MRO: variants seen among roughly 807,000 people sequenced by gnomAD.
MRO encodes the protein maestro.
MRO carries 28 observed loss-of-function variants against 31.0 expected under a neutral mutation model. The ratio of observed to expected loss-of-function variants is 0.90; its 90% CI spans 0.67 to 1.24. MRO has a LOEUF of 1.24. Among genes scored for constraint, MRO ranks in the 50% most tolerant of loss-of-function variants. MRO has a pLI of 0.00. For missense variants in MRO, 332 were observed against 289.2 expected (o/e 1.15, Z -1.07); for synonymous variants, 108 against 108.4 (o/e 1.00, Z 0.02).
intron 4 of MRO, 112 bp downstream of exon 4, chr18:50,806,592 G>A (rs1342059713): frequency 1.4e-5 from 18 of 1,307,712 alleles, no homozygotes; most frequent in East Asian, 7.0e-5. Context: ...GGTTTGTTCC[G>A]GGGTGATAGA....
intron 5 of MRO, among the ~76,000 whole-genome samples, chr18:50,803,573 AT>A (rs1239820573): frequency 6.6e-6 from 1 of 151,930 alleles, no homozygotes; most frequent in Non-Finnish European, 1.5e-5. Context: ...CCTCCAAGAG[AT>A]TTAGAGCCAT....
At chr18:50,819,811 TTA>T in intron 1 of MRO, 84 bp downstream of exon 1, 1 of 1,540,156 alleles carries the variant, frequency 6.5e-7, no homozygotes, top group South Asian at 1.2e-5. Flanking sequence ...AAGTCAAAGT[TTA>T]TAGAGTATTT....
intron 2 of MRO, among the ~76,000 whole-genome samples, chr18:50,817,383 C>T (rs1915013319): frequency 6.6e-6 from 1 of 152,070 alleles, no homozygotes; most frequent in Admixed American, 6.6e-5. Context: ...ACCTGTAATC[C>T]CAGCACTTTG....
rs754052527 is a variant in MRO at position 50,801,518 on chromosome 18, C to G, written c.430-14G>C. 15 of 1,571,922 alleles carry G rather than the reference C, an allele frequency of 9.5e-6. No homozygotes were observed. Among genetic ancestry groups the G allele is most frequent in the Non-Finnish European group, 1.3e-5 (15 of 1,159,856 alleles). ...ACTGTCGTTCTCCTGCGGTCCCCAT[C>G]AACAAAACAATAAGAAAGCCAGATC... On this transcript the variant is annotated splice_polypyrimidine_tract_variant and intron_variant, in intron 5 of 7. Transcript: ENST00000398439.
Position 50,798,688 on chromosome 18 carries a change from T to A in MRO, c.*649A>T, listed in dbSNP as rs1444314438. The stretch of plus-strand genomic sequence containing the variant: ...CACTCGGTGTTACCTACTATTGTTA[T>A]CCCGTAAGTTATCATGAGCCTGAGG... On this transcript the variant is annotated 3_prime_UTR_variant, in exon 8 of 8. Coordinates refer to ENST00000398439, the MANE Select transcript of MRO (RefSeq NM_031939.6). 6.6e-6 allele frequency: 1 copy of A among 152,258 alleles called. No homozygotes were observed. Among genetic ancestry groups the A allele is most frequent in the African/African-American group, 2.4e-5 (1 of 41,456 alleles). 9.4% of individuals were successfully genotyped at this position (152,258 alleles called of 1,614,324 possible).
chr18:50,817,822 A>C (rs1915054529), intron 2 of MRO, among the ~76,000 whole-genome samples: 1 of 152,162 alleles, frequency 6.6e-6, no homozygotes, highest in African/African-American at 2.4e-5. Context: ...TTAAAAATAA[A>C]ATTAAAATCA....
At chr18:50,801,227 A>C in intron 6 of MRO, 122 bp downstream of exon 6, 1 of 809,240 alleles carries the variant, frequency 1.2e-6, no homozygotes, top group Non-Finnish European at 1.9e-6. Context: ...TGCACACAGA[A>C]ACGCTGCTAA....
At chr18:50,810,467 T>C (rs1914382730) in intron 2 of MRO, among the ~76,000 whole-genome samples, 1 of 152,192 alleles carries the variant, frequency 6.6e-6, no homozygotes, top group Non-Finnish European at 1.5e-5. Context: ...TATGCTTGCA[T>C]ATGCATAGGA....
chr18:50,814,566 C>A lies in MRO; in HGVS notation c.-5+5015G>T, dbSNP rs886342238. The A allele has an allele frequency of 2.9e-5, 6 of 208,172 alleles. No homozygotes were observed. In the South Asian group the frequency reaches 5.5e-4, roughly 19 times the overall value. 12.9% of individuals were successfully genotyped at this position (208,172 alleles called of 1,614,324 possible). A position where few individuals can be genotyped will look rare whatever the true frequency, so the allele number is the denominator to read the frequency against. On this transcript the variant is annotated intron_variant, in intron 2 of 7. Transcript: ENST00000398439. Reference sequence around the variant, plus strand: ...TCGGGGGCCTTGGTTTTGTGACTTACGCTCATGCAGCAAAGTGTGCTCAAC... The same window carrying A: ...TCGGGGGCCTTGGTTTTGTGACTTAAGCTCATGCAGCAAAGTGTGCTCAAC...
At chr18:50,815,470 T>C in intron 2 of MRO, 2 of 289,556 alleles carry the variant, frequency 6.9e-6, no homozygotes, top group South Asian at 3.9e-5. Flanking sequence ...GTCGTAATAG[T>C]AGAGGGGGCC....
At chr18:50,821,691 T>C (rs574666818), upstream of MRO, among the ~76,000 whole-genome samples, 1 of 152,358 alleles carries the variant, frequency 6.6e-6, no homozygotes, top group East Asian at 1.9e-4. Flanking sequence ...CTAAAGTTTC[T>C]TTGTATTCAT....
chr18:50,824,587 T>C (rs1877625140), upstream of MRO, among the ~76,000 whole-genome samples: 1 of 150,986 alleles, frequency 6.6e-6, no homozygotes, highest in Non-Finnish European at 1.5e-5. Flanking sequence ...CCTTAGTAGC[T>C]GGGACTACAG....
rs978754410 is a variant in MRO, at chr18:50,817,996, C to CG, written c.-5+1584_-5+1585insC. Reference sequence around the variant, plus strand: ...TTGCAGCTTCTTAAAGAACTCCCACCCCCCGCCCCATGCCCTCCTTCCTGC... The same window carrying CG: ...TTGCAGCTTCTTAAAGAACTCCCACCGCCCCGCCCCATGCCCTCCTTCCTGC... On this transcript the variant is annotated intron_variant, in intron 2 of 7. Coordinates refer to ENST00000398439, the MANE Select transcript of MRO (RefSeq NM_031939.6). 3.6e-4 allele frequency among the ~76,000 whole-genome samples: 45 copies of CG among 124,900 alleles called. 1 individual carries two copies. The highest frequency in any genetic ancestry group is 7.1e-4 in the Non-Finnish European group (43 of 60,980). The allele number at this position is 124,900 out of a possible 152,430, so 81.9% of individuals were successfully genotyped here.
rs1213641076 is a variant in MRO, at chr18:50,806,689, ACT to A, written c.246+13_246+14del. ...AGGCTTGGGGAGCTGGCTGAGCCCC[ACT>A]CTCCTTCCCTACCTTGTCAGGGGCT... is the stretch of plus-strand genomic sequence containing the variant. On this transcript the variant is annotated intron_variant, in intron 4 of 7. Transcript: ENST00000398439. 5 of 1,613,432 alleles carry A rather than the reference ACT, an allele frequency of 3.1e-6. No homozygotes were observed. Among genetic ancestry groups the A allele is most frequent in the Admixed American group, 3.3e-5 (2 of 59,966 alleles).
At chr18:50,816,247 C>T (rs898050382) in intron 2 of MRO, 3 of 152,482 alleles carry the variant, frequency 2.0e-5, no homozygotes, top group African/African-American at 7.2e-5. Context: ...ACTGTCATAG[C>T]CACAGTTTGC....
At chr18:50,821,629 C>A (rs1915305595), upstream of MRO, among the ~76,000 whole-genome samples, 1 of 152,130 alleles carries the variant, frequency 6.6e-6, no homozygotes, top group African/African-American at 2.4e-5. Flanking sequence ...AAATTTACAT[C>A]CCCTCCTCCC....
intron 5 of MRO, among the ~76,000 whole-genome samples, chr18:50,803,857 A>AT (rs1913650062): frequency 6.6e-6 from 1 of 152,228 alleles, no homozygotes; most frequent in Admixed American, 6.5e-5. Flanking sequence ...GGGAGTAAAT[A>AT]AACGGTCTGT....
chr18:50,806,855 G>C lies in MRO; in HGVS notation c.100-5C>G, dbSNP rs372827564. On this transcript the variant is annotated splice_polypyrimidine_tract_variant and splice_region_variant and intron_variant, in intron 3 of 7. Coordinates refer to ENST00000398439, the MANE Select transcript of MRO (RefSeq NM_031939.6). ...GAACCTCAGTTTCCAAGAGACCTGG[G>C]TGATGGGTCAAAAATGTATTAATTT... is the stretch of plus-strand genomic sequence containing the variant. 41 of 1,613,786 alleles carry C rather than the reference G, an allele frequency of 2.5e-5. No homozygotes were observed. Among genetic ancestry groups the C allele is most frequent in the Non-Finnish European group, 3.2e-5 (38 of 1,179,932 alleles).
chr18:50,820,237 G>A (rs181737993), upstream of MRO, among the ~76,000 whole-genome samples: 134 of 152,302 alleles, frequency 8.8e-4, no homozygotes, highest in African/African-American at 2.9e-3. Flanking sequence ...GCTGATTGTT[G>A]CACCAACAAC....
Sources: gnomAD v4.1 joint callset for allele counts (sites outside exome capture counted in the v4.1 genomes callset) on GRCh38, gnomAD v4.1.1 for gene constraint, MANE v1.5 for transcripts, NCBI Gene and HGNC (gene_info 2026-07-23, HGNC 2026-07-21) for gene names.